The following PEAK1 variants were observed in gnomAD, a reference collection of about 807,000 sequenced individuals.
The protein encoded by PEAK1 is pseudopodium enriched atypical kinase 1, also known as inactive tyrosine-protein kinase PEAK1.
Under a neutral mutation model 124.7 loss-of-function variants are expected in PEAK1, and 54 were observed. The ratio of observed to expected loss-of-function variants is 0.43; its 90% CI spans 0.35 to 0.54. The LOEUF is 0.54. Ranked by LOEUF, PEAK1 falls within the 20% of genes least tolerant of loss-of-function variation. The probability of loss-of-function intolerance (pLI) is 0.01; values close to 1 mark genes in which losing one functional copy is unlikely to be tolerated. For synonymous variants in PEAK1, 719 were observed against 760.0 expected (o/e 0.95, Z 0.89); for missense variants, 2,046 against 2,134.5 (o/e 0.96, Z 0.82).
At chr15:77,228,255 G>A (rs1439020920) in intron 6 of PEAK1, among the ~76,000 whole-genome samples, 1 of 152,048 alleles carries the variant, frequency 6.6e-6, no homozygotes, top group Non-Finnish European at 1.5e-5. Flanking sequence ...TTTACCAGTT[G>A]CATTATAATA....
chr15:77,416,722 T>C (rs1028976357), intron 1 of PEAK1, among the ~76,000 whole-genome samples: 12 of 152,168 alleles, frequency 7.9e-5, no homozygotes, highest in African/African-American at 2.2e-4. Context: ...GTTGTCCAAA[T>C]TGAGATGTGC....
chr15:77,154,342 A>G (rs1163980943), intron 8 of PEAK1, among the ~76,000 whole-genome samples: 1 of 151,940 alleles, frequency 6.6e-6, no homozygotes, highest in African/African-American at 2.4e-5. Flanking sequence ...TGCTTGGTAG[A>G]TCTTCCTCCA....
intron 1 of PEAK1, among the ~76,000 whole-genome samples, chr15:77,410,102 G>A (rs1456012125): frequency 2.7e-5 from 4 of 146,972 alleles, no homozygotes; most frequent in Non-Finnish European, 6.0e-5. Context: ...ACAGAGTTTC[G>A]CTCTTTTTGC....
At position 77,179,613 on chromosome 15, in the gene PEAK1, C is replaced by A; in HGVS notation, c.2314G>T (p.Ala772Ser). Reference protein sequence around the residue: ...KASTVLSQIVASIQPPQSPPE... With the variant: ...KASTVLSQIVSSIQPPQSPPE... ...GGAGACTGTGGGGGTTGGATTGAAG[C>A]CACAATCTGAGAAAGCACTGTGCTT... The change falls in exon 7 of 10, where the codon GCT becomes TCT. Residue 772 changes from alanine to serine, a missense_variant. Ala to Ser is a moderately conservative substitution (Grantham distance 99). Coordinates refer to ENST00000682557, the MANE Select transcript of PEAK1 (RefSeq NM_001385026.1). 2 of 1,614,060 alleles carry A rather than the reference C, an allele frequency of 1.2e-6. No individual in the cohort carries two copies. Among genetic ancestry groups the A allele is most frequent in the South Asian group, 1.1e-5 (1 of 91,080 alleles).
rs1448281549 is a variant in PEAK1 at position 77,180,165 on chromosome 15, G to A, written c.1762C>T (p.Pro588Ser). 3.1e-6 allele frequency: 5 copies of A among 1,613,980 alleles called. No homozygotes were observed. Among genetic ancestry groups the A allele is most frequent in the East Asian group, 2.2e-5 (1 of 44,896 alleles). Residue 588 changes from proline (P) to serine (S), a missense_variant, in exon 7 of 10, where the codon CCT becomes TCT. Transcript: ENST00000682557. ...TTAAATTTAATTTCAGACAAATTAG[G>A]TGACTTAACAGGGATGGTTTTGGAG... Reference protein sequence around the residue: ...ISSKTIPVKSPNLSEIKFNSY... With the variant: ...ISSKTIPVKSSNLSEIKFNSY...
At chr15:77,253,604 AC>A (rs145955427) in intron 5 of PEAK1, among the ~76,000 whole-genome samples, 1,752 of 152,226 alleles carry the variant, frequency 0.012, 19 homozygotes, top group Non-Finnish European at 0.019. Flanking sequence ...AAATTGTCTT[AC>A]TTTACCTTCA....
intron 5 of PEAK1, among the ~76,000 whole-genome samples, chr15:77,253,944 G>A (rs964530082): frequency 2.6e-5 from 4 of 152,106 alleles, no homozygotes; most frequent in Admixed American, 1.3e-4. Context: ...TCAGCCTCCT[G>A]AGTAGCTGCG....
intron 2 of PEAK1, chr15:77,335,372 AG>A (rs2066135012): frequency 6.1e-6 from 6 of 985,180 alleles, no homozygotes; most frequent in Non-Finnish European, 4.8e-6. Context: ...CTATGTATCT[AG>A]TGGTCTTTTT....
At chr15:77,336,541 TAG>T (rs942630836) in intron 2 of PEAK1, 44 of 985,318 alleles carry the variant, frequency 4.5e-5, no homozygotes, top group Non-Finnish European at 5.3e-5. Context: ...ACATGAAATA[TAG>T]AGTCTGTGAA....
intron 8 of PEAK1, among the ~76,000 whole-genome samples, chr15:77,152,111 C>A (rs866772449): frequency 1.3e-5 from 2 of 152,058 alleles, no homozygotes; most frequent in Admixed American, 6.6e-5. Context: ...TGATTCTTCC[C>A]ACCTATGAAC....
chr15:77,235,836 G>A (rs1279457182), intron 6 of PEAK1, among the ~76,000 whole-genome samples: 6 of 152,190 alleles, frequency 3.9e-5, no homozygotes, highest in African/African-American at 1.2e-4. Flanking sequence ...GGTGCCCTGC[G>A]TCCCAGCTGC....
chr15:77,350,540 G>A, intron 2 of PEAK1: 1 of 979,918 alleles, frequency 1.0e-6, no homozygotes, highest in African/African-American at 1.8e-5. Flanking sequence ...ATACAATTGT[G>A]AGTCTCCTTA....
chr15:77,339,168 TA>T (rs1342467816), intron 2 of PEAK1, among the ~76,000 whole-genome samples: 1 of 151,734 alleles, frequency 6.6e-6, no homozygotes, highest in Non-Finnish European at 1.5e-5. Context: ...TTGAGTATGG[TA>T]CTGCAATCAT....
At chr15:77,396,179 T>C (rs2070870130) in intron 1 of PEAK1, among the ~76,000 whole-genome samples, 1 of 152,078 alleles carries the variant, frequency 6.6e-6, no homozygotes, top group African/African-American at 2.4e-5. Flanking sequence ...TTATCAAATA[T>C]CTATCTATAG....
chr15:77,217,251 C>T (rs993106336), intron 6 of PEAK1, among the ~76,000 whole-genome samples: 6 of 138,952 alleles, frequency 4.3e-5, no homozygotes, highest in African/African-American at 1.6e-4. Flanking sequence ...AAAAAAAGGG[C>T]AGGTTGTGGG....
chr15:77,331,900 G>A (rs1420878393), intron 2 of PEAK1, among the ~76,000 whole-genome samples: 1 of 151,774 alleles, frequency 6.6e-6, no homozygotes, highest in African/African-American at 2.4e-5. Context: ...ACAGGCATAA[G>A]CCACTGTGCC....
intron 2 of PEAK1, among the ~76,000 whole-genome samples, chr15:77,306,783 C>A (rs1241561923): frequency 6.6e-6 from 1 of 152,022 alleles, no homozygotes; most frequent in Non-Finnish European, 1.5e-5. Context: ...AGTTAAAAGG[C>A]CAGTTAAAGG....
chr15:77,245,806 T>C (rs2060556826), intron 6 of PEAK1, among the ~76,000 whole-genome samples: 1 of 152,224 alleles, frequency 6.6e-6, no homozygotes, highest in Non-Finnish European at 1.5e-5. Context: ...TTCTGGACTA[T>C]TTATTCTGTT....
At chr15:77,368,424 G>A (rs1204393773) in intron 1 of PEAK1, among the ~76,000 whole-genome samples, 9 of 151,898 alleles carry the variant, frequency 5.9e-5, no homozygotes, top group East Asian at 3.9e-4. Flanking sequence ...AGGCTGAGGC[G>A]GGGGAATTGC....
Sources: allele counts gnomAD v4.1 joint callset (sites outside exome capture counted in the v4.1 genomes callset), GRCh38; gene constraint gnomAD v4.1.1; transcripts MANE v1.5; gene names NCBI Gene and HGNC (gene_info 2026-07-23, HGNC 2026-07-21).